Variants in NEGR1 observed in about 807,000 individuals in gnomAD.
NEGR1 encodes the protein neuronal growth regulator 1, also known as IgLON family member 4.
Under a neutral mutation model 40.9 loss-of-function variants are expected in NEGR1, and 10 were observed. That is an observed-to-expected ratio of 0.24 (90% CI 0.15 to 0.42). The LOEUF (loss-of-function observed/expected upper bound fraction) is 0.42. Ranked by LOEUF, NEGR1 falls within the 10% of genes least tolerant of loss-of-function variation. The pLI, the probability that NEGR1 is intolerant of heterozygous loss-of-function variation, is 1.00. For missense variants in NEGR1, 352 were observed against 438.9 expected, an observed-to-expected ratio of 0.80 and a Z score of 1.77; for synonymous variants, 185 against 166.8, an observed-to-expected ratio of 1.11 and a Z score of -0.84.
intron 1 of NEGR1, among the ~76,000 whole-genome samples, chr1:72,220,914 GTT>G (rs3082236): frequency 0.06 from 8,463 of 140,766 alleles, 827 homozygotes; most frequent in African/African-American, 0.21. Flanking sequence ...CCTACCTAAA[GTT>G]TTTTTTTTTT....
chr1:71,961,034 C>T (rs61705805), intron 1 of NEGR1, among the ~76,000 whole-genome samples: 9 of 152,084 alleles, frequency 5.9e-5, no homozygotes, highest in Non-Finnish European at 1.0e-4. Context: ...ATAGCAACTA[C>T]GTATCAGACT....
At chr1:72,231,258 T>C (rs1180355049) in intron 1 of NEGR1, among the ~76,000 whole-genome samples, 2 of 152,294 alleles carry the variant, frequency 1.3e-5, no homozygotes, top group South Asian at 2.1e-4. Context: ...ATTTGTCTTT[T>C]TTCATTCTGT....
chr1:72,154,582 C>T (rs1240040600), intron 1 of NEGR1, among the ~76,000 whole-genome samples: 2 of 152,014 alleles, frequency 1.3e-5, no homozygotes, highest in South Asian at 2.1e-4. Context: ...CTGGTTCAAA[C>T]ATTAACAAAG....
At chr1:72,070,558 T>C (rs1425483336) in intron 1 of NEGR1, among the ~76,000 whole-genome samples, 2 of 151,996 alleles carry the variant, frequency 1.3e-5, no homozygotes, top group African/African-American at 4.8e-5. Context: ...TAAAAATGTA[T>C]AGATTCTAAA....
At chr1:71,857,863 T>A (rs934486720) in intron 2 of NEGR1, among the ~76,000 whole-genome samples, 3 of 152,064 alleles carry the variant, frequency 2.0e-5, no homozygotes, top group Non-Finnish European at 4.4e-5. Context: ...TTCTAGAGAA[T>A]CTAACTGATG....
Position 72,041,733 on chromosome 1 carries a change from C to CAT in NEGR1, c.177-106424_177-106423dup, listed in dbSNP as rs146694243. On this transcript the variant is annotated intron_variant, in intron 1 of 6. Coordinates refer to ENST00000357731, the MANE Select transcript of NEGR1 (RefSeq NM_173808.3). ...CTAGATGGATATATATATACACACA[C>CAT]ATATATATATATATACCCATGACAT... Among the ~76,000 whole-genome samples, 1,226 of 145,726 alleles carry CAT rather than the reference C, an allele frequency of 8.4e-3. 12 individuals are homozygous for CAT. The highest frequency in any genetic ancestry group is 0.028 in the East Asian group (138 of 5,016).
At chr1:71,569,498 T>C (rs1256676949) in intron 6 of NEGR1, among the ~76,000 whole-genome samples, 1 of 152,186 alleles carries the variant, frequency 6.6e-6, no homozygotes, top group Non-Finnish European at 1.5e-5. Context: ...CCATTATTGT[T>C]GTTGAAATAA....
chr1:72,103,498 C>T (rs1451866311), intron 1 of NEGR1, among the ~76,000 whole-genome samples: 1 of 152,080 alleles, frequency 6.6e-6, no homozygotes, highest in Admixed American at 6.6e-5. Context: ...ATGCAGTATG[C>T]TTCTTGACTT....
chr1:72,248,431 T>G (rs891097830), intron 1 of NEGR1, among the ~76,000 whole-genome samples: 1 of 151,894 alleles, frequency 6.6e-6, no homozygotes, highest in Admixed American at 6.6e-5. Flanking sequence ...CTAATATTTG[T>G]ATTTTTAAGA....
intron 3 of NEGR1, among the ~76,000 whole-genome samples, chr1:71,705,973 ACTAT>A (rs1240384156): frequency 6.6e-6 from 1 of 152,030 alleles, no homozygotes; most frequent in Non-Finnish European, 1.5e-5. Flanking sequence ...CAAGTTAATA[ACTAT>A]CTACACAGAA....
chr1:71,450,178 A>T (rs375885716), intron 6 of NEGR1, among the ~76,000 whole-genome samples: 1 of 151,480 alleles, frequency 6.6e-6, no homozygotes, highest in East Asian at 2.0e-4. Flanking sequence ...TTTAGTAGAG[A>T]CGGGGTTTCA....
At chr1:72,139,099 C>CA (rs56186748) in intron 1 of NEGR1, among the ~76,000 whole-genome samples, 140,603 of 147,892 alleles carry the variant, frequency 0.95, 67,047 homozygotes, top group Non-Finnish European at 0.99. Flanking sequence ...GCTCATGAGT[C>CA]AAAAAAAAAA....
intron 6 of NEGR1, among the ~76,000 whole-genome samples, chr1:71,544,141 T>C (rs1306813229): frequency 2.0e-5 from 3 of 151,712 alleles, no homozygotes; most frequent in Non-Finnish European, 4.4e-5. Flanking sequence ...GCTCACTAAA[T>C]ATTTCAACTA....
intron 2 of NEGR1, among the ~76,000 whole-genome samples, chr1:71,858,709 G>T (rs1659856042): frequency 6.6e-6 from 1 of 152,070 alleles, no homozygotes; most frequent in South Asian, 2.1e-4. Context: ...TCTCCCAGCA[G>T]ATGGTTATTG....
At chr1:72,010,137 A>G (rs1646643439) in intron 1 of NEGR1, among the ~76,000 whole-genome samples, 1 of 152,174 alleles carries the variant, frequency 6.6e-6, no homozygotes, top group African/African-American at 2.4e-5. Flanking sequence ...GGAAGGGACA[A>G]GAGTCAAAAC....
At chr1:71,907,187 TC>T (rs2101869341) in intron 2 of NEGR1, among the ~76,000 whole-genome samples, 1 of 152,276 alleles carries the variant, frequency 6.6e-6, no homozygotes, top group Non-Finnish European at 1.5e-5. Context: ...AAGAGATAAC[TC>T]GTTTAAAGAC....
At chr1:72,136,271 T>C (rs981183992) in intron 1 of NEGR1, among the ~76,000 whole-genome samples, 12 of 152,194 alleles carry the variant, frequency 7.9e-5, no homozygotes, top group African/African-American at 2.2e-4. Context: ...TGAAAAGATA[T>C]AGAGGATATA....
intron 4 of NEGR1, among the ~76,000 whole-genome samples, chr1:71,676,640 T>C (rs1438095736): frequency 6.6e-6 from 1 of 152,234 alleles, no homozygotes; most frequent in Non-Finnish European, 1.5e-5. Context: ...CTGCTAACCA[T>C]TATCTCTTCT....
intron 1 of NEGR1, among the ~76,000 whole-genome samples, chr1:71,959,135 C>T (rs551940678): frequency 1.3e-5 from 2 of 152,120 alleles, no homozygotes; most frequent in South Asian, 4.2e-4. Flanking sequence ...CTGATTTTTC[C>T]CCTTGGATGA....
Sources: gnomAD v4.1 joint callset for allele counts (sites outside exome capture counted in the v4.1 genomes callset) on GRCh38, gnomAD v4.1.1 for gene constraint, MANE v1.5 for transcripts, NCBI Gene and HGNC (gene_info 2026-07-23, HGNC 2026-07-21) for gene names.